The following USH2A variants were observed in gnomAD, a reference collection of about 807,000 sequenced individuals.
The protein encoded by USH2A is usherin.
A neutral mutation model predicts 538.9 loss-of-function variants in USH2A; 443 were observed. The ratio of observed to expected loss-of-function variants is 0.82; its 90% CI spans 0.76 to 0.89. The LOEUF (loss-of-function observed/expected upper bound fraction) is 0.89, where lower values mean the gene tolerates loss of function less well. USH2A is among the 40% of genes least tolerant of loss of function. The pLI is 0.00. For missense variants in USH2A, 6,633 were observed against 6,324.8 expected, an observed-to-expected ratio of 1.05 and a Z score of -1.65; for synonymous variants, 2,413 against 2,273.5, an observed-to-expected ratio of 1.06 and a Z score of -1.75.
chr1:215,898,403 C>G (rs973076985), intron 40 of USH2A, among the ~76,000 whole-genome samples: 2 of 152,106 alleles, frequency 1.3e-5, no homozygotes, highest in African/African-American at 4.8e-5. Flanking sequence ...GGTAAGTTTG[C>G]TCAACAAAGG....
At position 215,683,594 on chromosome 1, in the gene USH2A, T is replaced by C. The variant is rs567794380; in HGVS notation, c.12067-3218A>G. Among the ~76,000 whole-genome samples, 14 of 152,338 alleles carry C rather than the reference T, an allele frequency of 9.2e-5. No individual in the cohort carries two copies. In the South Asian group the frequency reaches 2.9e-3, roughly 32 times the overall value. On this transcript the variant is annotated intron_variant, in intron 61 of 71. Transcript: ENST00000307340. ...TGAGCACTGTGGATCTTAGATGTTT[T>C]GGATTCAGTTCCTTCCTTTGGAGAT...
At chr1:215,686,241 A>G (rs1658420039) in intron 61 of USH2A, among the ~76,000 whole-genome samples, 1 of 152,156 alleles carries the variant, frequency 6.6e-6, no homozygotes, top group Non-Finnish European at 1.5e-5. Context: ...GTATATACAT[A>G]CACACAATTC....
chr1:215,838,409 GA>G (rs1415710957), intron 46 of USH2A, among the ~76,000 whole-genome samples: 1 of 152,164 alleles, frequency 6.6e-6, no homozygotes, highest in Non-Finnish European at 1.5e-5. Flanking sequence ...AGGAATGGAA[GA>G]TGCCCAAGTG....
Position 215,675,432 on chromosome 1 carries a change from G to A in USH2A, c.12479C>T (p.Ala4160Val), listed in dbSNP as rs770434521. 9.9e-6 allele frequency: 16 copies of A among 1,613,954 alleles called. No homozygotes were observed. The highest frequency in any genetic ancestry group is 1.6e-4 in the Middle Eastern group (1 of 6,084). ...GGACTTCACAGAGTGGACAGTAGGA[G>A]CCAGCTGAGAGTCTGGAGGGGCTTC... The part of the protein sequence containing the change: ...TDEAPPDSQL[A>V]PTVHSVKSTS... Residue 4160 changes from alanine (A) to valine (V), a missense_variant, in exon 63 of 72, where the codon GCT (alanine) becomes GTT (valine). Ala to Val is a moderately conservative substitution (Grantham distance 64). Transcript: ENST00000307340.
chr1:215,854,572 G>A (rs1188134437), intron 44 of USH2A, among the ~76,000 whole-genome samples: 1 of 152,138 alleles, frequency 6.6e-6, no homozygotes, highest in Non-Finnish European at 1.5e-5. Context: ...AGGTTTAATA[G>A]GCAAAAGAAA....
chr1:216,135,879 G>A (rs751897507), intron 21 of USH2A, among the ~76,000 whole-genome samples: 1 of 151,856 alleles, frequency 6.6e-6, no homozygotes, highest in African/African-American at 2.4e-5. Flanking sequence ...GATTTGCTTG[G>A]ATATTGAACA....
chr1:215,840,565 T>C (rs1663650979), intron 46 of USH2A, among the ~76,000 whole-genome samples: 1 of 152,194 alleles, frequency 6.6e-6, no homozygotes, highest in Non-Finnish European at 1.5e-5. Context: ...TTATACCTAC[T>C]GGCTTGAGTT....
intron 23 of USH2A, among the ~76,000 whole-genome samples, chr1:216,087,172 G>T (rs933683659): frequency 6.6e-6 from 1 of 152,160 alleles, no homozygotes; most frequent in Admixed American, 6.5e-5. Context: ...GGAAATCCCT[G>T]TTCATATTTC....
intron 30 of USH2A, among the ~76,000 whole-genome samples, chr1:216,055,642 ACTAT>A (rs2030951124): frequency 6.6e-6 from 1 of 152,224 alleles, no homozygotes; most frequent in Non-Finnish European, 1.5e-5. Context: ...TGAAAACTTA[ACTAT>A]CTAATAGAGA....
At chr1:216,303,585 A>T (rs188724553) in intron 9 of USH2A, among the ~76,000 whole-genome samples, 2 of 152,094 alleles carry the variant, frequency 1.3e-5, no homozygotes, top group East Asian at 1.9e-4. Context: ...TTAGTAAATT[A>T]AAAAACCCTT....
chr1:216,109,482 G>T (rs1050179716), intron 21 of USH2A, among the ~76,000 whole-genome samples: 5 of 152,154 alleles, frequency 3.3e-5, no homozygotes, highest in African/African-American at 1.2e-4. Flanking sequence ...TTTCTGCATT[G>T]CTTGCTCCTT....
chr1:216,253,928 T>G (rs1350805463), intron 11 of USH2A, among the ~76,000 whole-genome samples: 1 of 152,206 alleles, frequency 6.6e-6, no homozygotes, highest in Non-Finnish European at 1.5e-5. Context: ...GGCTTCTCTC[T>G]TCTTCCTCCT....
At chr1:216,044,896 A>G (rs995967951) in intron 32 of USH2A, among the ~76,000 whole-genome samples, 2 of 152,180 alleles carry the variant, frequency 1.3e-5, no homozygotes, top group Admixed American at 1.3e-4. Context: ...GAATAATAAA[A>G]TATAAAAGTA....
intron 21 of USH2A, among the ~76,000 whole-genome samples, chr1:216,100,885 T>C (rs913429199): frequency 6.6e-6 from 1 of 152,162 alleles, no homozygotes; most frequent in African/African-American, 2.4e-5. Context: ...AATTTTCAAG[T>C]TTTATGCTTA....
intron 11 of USH2A, among the ~76,000 whole-genome samples, chr1:216,285,118 A>G (rs1038006804): frequency 1.3e-5 from 2 of 152,216 alleles, no homozygotes; most frequent in Non-Finnish European, 2.9e-5. Flanking sequence ...CATAACTAAC[A>G]AGAAGCCAAA....
At chr1:216,297,120 A>G (rs1223608066) in intron 9 of USH2A, among the ~76,000 whole-genome samples, 1 of 151,962 alleles carries the variant, frequency 6.6e-6, no homozygotes, top group East Asian at 1.9e-4. Context: ...TTGATTTGCT[A>G]GCCCTGTGTT....
chr1:216,394,810 C>T (rs560807034), intron 3 of USH2A, among the ~76,000 whole-genome samples: 178 of 146,290 alleles, frequency 1.2e-3, no homozygotes, highest in African/African-American at 4.3e-3. Flanking sequence ...GCTCCGCCTC[C>T]CGGGTTCACG....
At chr1:216,225,783 T>C (rs1426541638) in intron 14 of USH2A, among the ~76,000 whole-genome samples, 1 of 152,114 alleles carries the variant, frequency 6.6e-6, no homozygotes, top group Admixed American at 6.6e-5. Context: ...ATAAGACTTA[T>C]TTTTATTTGG....
intron 44 of USH2A, among the ~76,000 whole-genome samples, chr1:215,856,315 A>G (rs546296957): frequency 2.0e-5 from 3 of 152,356 alleles, no homozygotes; most frequent in East Asian, 1.9e-4. Context: ...TCCAGAATCT[A>G]CAAGCAACTC....
Sources: gnomAD v4.1 joint callset for allele counts (sites outside exome capture counted in the v4.1 genomes callset) on GRCh38, gnomAD v4.1.1 for gene constraint, MANE v1.5 for transcripts, NCBI Gene and HGNC (gene_info 2026-07-23, HGNC 2026-07-21) for gene names.